RBFOX1: variants seen among roughly 807,000 people sequenced by gnomAD.
The protein encoded by RBFOX1 is RNA binding fox-1 homolog 1, also known as RNA binding protein fox-1 homolog 1.
RBFOX1 carries 8 observed loss-of-function variants against 57.7 expected under a neutral mutation model. That is an observed-to-expected ratio of 0.14 (90% CI 0.08 to 0.25). The LOEUF (loss-of-function observed/expected upper bound fraction) is 0.25. Ranked by LOEUF, RBFOX1 falls within the 10% of genes least tolerant of loss-of-function variation. The probability of loss-of-function intolerance (pLI) is 1.00; values close to 1 mark genes in which losing one functional copy is unlikely to be tolerated. For missense variants in RBFOX1, 611 were observed against 548.5 expected (o/e 1.11, Z -1.14); for synonymous variants, 326 against 222.4 (o/e 1.47, Z -4.15).
intron 3 of RBFOX1, among the ~76,000 whole-genome samples, chr16:5,673,525 C>A (rs2050078098): frequency 6.6e-6 from 1 of 152,220 alleles, no homozygotes. Context: ...CGCTTGGCAC[C>A]TAAAGGTTGA....
intron 2 of RBFOX1, among the ~76,000 whole-genome samples, chr16:5,514,397 C>T (rs1057461049): frequency 1.3e-5 from 2 of 152,158 alleles, no homozygotes; most frequent in African/African-American, 4.8e-5. Flanking sequence ...GTTTGGAGGT[C>T]TTGGCTCAGA....
At chr16:7,524,751 C>A (rs540617545) in intron 5 of RBFOX1, among the ~76,000 whole-genome samples, 1 of 152,266 alleles carries the variant, frequency 6.6e-6, no homozygotes, top group South Asian at 2.1e-4. Context: ...GTGTTAACTG[C>A]GCCTCCAAAT....
intron 4 of RBFOX1, among the ~76,000 whole-genome samples, chr16:7,455,454 A>G (rs2058306692): frequency 6.6e-6 from 1 of 152,118 alleles, no homozygotes. Context: ...AATATTAAAT[A>G]TTTACATAGA....
chr16:6,043,448 A>G (rs567006583), intron 1 of RBFOX1, among the ~76,000 whole-genome samples: 1 of 152,312 alleles, frequency 6.6e-6, no homozygotes, highest in East Asian at 1.9e-4. Context: ...ATGCGATGCT[A>G]TATCAGAGTC....
At chr16:7,655,920 T>G (rs1180327927) in intron 12 of RBFOX1, among the ~76,000 whole-genome samples, 1 of 152,226 alleles carries the variant, frequency 6.6e-6, no homozygotes, top group African/African-American at 2.4e-5. Context: ...AACATGCTCT[T>G]TGCTGGGAAT....
rs567893299 is a variant in RBFOX1, at chr16:6,446,658, C to T, written c.-64+129601C>T. 1.2e-4 allele frequency among the ~76,000 whole-genome samples: 19 copies of T among 152,240 alleles called. No individual in the cohort carries two copies. The East Asian group carries it at 2.1e-3, about 17-fold the overall frequency. ...TTCATCTGTAAAATGGGAATAAGAA[C>T]ATCTACTTTTTAGGATTACTATTCT... is the stretch of plus-strand genomic sequence containing the variant. On this transcript the variant is annotated intron_variant, in intron 2 of 15. Transcript: ENST00000550418.
chr16:7,034,696 T>G (rs911444881), intron 3 of RBFOX1, among the ~76,000 whole-genome samples: 36 of 152,004 alleles, frequency 2.4e-4, no homozygotes, highest in African/African-American at 8.4e-4. Flanking sequence ...GACATTCGCC[T>G]TTCAGTGAGG....
chr16:5,450,456 A>G (rs1427632452), intron 1 of RBFOX1, among the ~76,000 whole-genome samples: 1 of 152,142 alleles, frequency 6.6e-6, no homozygotes, highest in Non-Finnish European at 1.5e-5. Context: ...TGGTTCTCTC[A>G]TGCTCGAACC....
rs376887404 is a variant in RBFOX1, at chr16:6,430,115, A to G, written c.-64+113058A>G. On this transcript the variant is annotated intron_variant, in intron 2 of 15. Coordinates refer to ENST00000550418, the MANE Select transcript of RBFOX1 (RefSeq NM_018723.4). ...AAGAGCGAAACTCCATCTCAAGAAGAAAAAAAAAAAACAGAAAAACAAACA... is the reference window on the plus strand; with the variant it reads ...AAGAGCGAAACTCCATCTCAAGAAGGAAAAAAAAAAACAGAAAAACAAACA... 1.6e-4 allele frequency among the ~76,000 whole-genome samples: 22 copies of G among 139,764 alleles called. No homozygotes were observed. In the East Asian group the frequency reaches 2.9e-3, roughly 18 times the overall value. The allele number at this position is 139,764 out of a possible 152,430, so 91.7% of individuals were successfully genotyped here.
chr16:6,787,427 A>G (rs571753779), intron 3 of RBFOX1, among the ~76,000 whole-genome samples: 1 of 152,258 alleles, frequency 6.6e-6, no homozygotes, highest in South Asian at 2.1e-4. Context: ...TGATTTCCAA[A>G]ATTATTTTAT....
intron 5 of RBFOX1, among the ~76,000 whole-genome samples, chr16:7,569,414 T>C (rs2092531897): frequency 6.6e-6 from 1 of 152,116 alleles, no homozygotes; most frequent in African/African-American, 2.4e-5. Flanking sequence ...ATCTTCAAAA[T>C]CAGTAATGGT....
chr16:6,734,453 A>G (rs545078894), intron 3 of RBFOX1, among the ~76,000 whole-genome samples: 1 of 152,324 alleles, frequency 6.6e-6, no homozygotes, highest in East Asian at 1.9e-4. Context: ...AATCCTCATG[A>G]TAAAGGTCAT....
intron 2 of RBFOX1, among the ~76,000 whole-genome samples, chr16:6,406,271 T>A (rs1022107275): frequency 6.6e-6 from 1 of 152,182 alleles, no homozygotes; most frequent in African/African-American, 2.4e-5. Flanking sequence ...CAGCCTCCTG[T>A]CATCTGGGAC....
At chr16:6,765,704 A>G (rs988820923) in intron 3 of RBFOX1, among the ~76,000 whole-genome samples, 3 of 152,158 alleles carry the variant, frequency 2.0e-5, no homozygotes, top group African/African-American at 7.2e-5. Flanking sequence ...TCATAACACA[A>G]TTCACAATTG....
intron 3 of RBFOX1, among the ~76,000 whole-genome samples, chr16:6,778,539 G>C (rs1005296909): frequency 2.0e-5 from 3 of 152,064 alleles, no homozygotes; most frequent in African/African-American, 4.8e-5. Context: ...TCTGATCGCT[G>C]TTCAGATTTT....
chr16:7,622,533 C>T (rs865945863), intron 10 of RBFOX1, among the ~76,000 whole-genome samples: 1 of 152,094 alleles, frequency 6.6e-6, no homozygotes, highest in Non-Finnish European at 1.5e-5. Flanking sequence ...GGAACAAATT[C>T]TTCTTTGTAT....
chr16:6,672,904 G>T (rs1204242020), intron 3 of RBFOX1, among the ~76,000 whole-genome samples: 3 of 152,066 alleles, frequency 2.0e-5, no homozygotes, highest in Non-Finnish European at 4.4e-5. Context: ...TGACTAAACT[G>T]AATCCCCCTA....
chr16:5,819,832 C>A (rs1409576993), intron 3 of RBFOX1, among the ~76,000 whole-genome samples: 3 of 152,192 alleles, frequency 2.0e-5, no homozygotes, highest in Non-Finnish European at 2.9e-5. Flanking sequence ...CCTGGAGCCC[C>A]AGAAATGATG....
chr16:5,956,079 C>A lies in RBFOX1; in HGVS notation c.351+88744C>A, dbSNP rs1346498243. ...GATCACAAGAGCAGGAGTTCAAGAC[C>A]AGCCTGGCCAACATGGTGAAACCCC... On this transcript the variant is annotated intron_variant, in intron 4 of 19. Transcript: ENST00000641259. Among the ~76,000 whole-genome samples the A allele has an allele frequency of 3.3e-5, 5 of 152,134 alleles. No individual in the cohort carries two copies. The East Asian group carries it at 9.7e-4, about 30-fold the overall frequency.
Sources: allele counts gnomAD v4.1 joint callset (sites outside exome capture counted in the v4.1 genomes callset), GRCh38; gene constraint gnomAD v4.1.1; transcripts MANE v1.5; gene names NCBI Gene and HGNC (gene_info 2026-07-23, HGNC 2026-07-21).